The following KLF12 variants were observed in gnomAD, a reference collection of about 807,000 sequenced individuals.
KLF12 encodes Krueppel-like factor 12.
Under a neutral mutation model 37.8 loss-of-function variants are expected in KLF12, and 9 were observed. The ratio of observed to expected loss-of-function variants is 0.24; its 90% CI spans 0.14 to 0.42. The LOEUF is 0.42. Ranked by LOEUF, KLF12 falls within the 10% of genes least tolerant of loss-of-function variation. The pLI, the probability that KLF12 is intolerant of heterozygous loss-of-function variation, is 1.00. For missense variants in KLF12, 411 were observed against 516.0 expected, an observed-to-expected ratio of 0.80 and a Z score of 1.97; for synonymous variants, 208 against 202.1, an observed-to-expected ratio of 1.03 and a Z score of -0.25.
intron 3 of KLF12, among the ~76,000 whole-genome samples, chr13:73,858,141 T>A (rs1429115103): frequency 2.0e-5 from 3 of 152,316 alleles, no homozygotes; most frequent in Admixed American, 2.0e-4. Flanking sequence ...TTTAAAATTT[T>A]AAAAGTCATA....
intron 2 of KLF12, among the ~76,000 whole-genome samples, chr13:73,993,376 C>T (rs531501076): frequency 6.6e-6 from 1 of 152,278 alleles, no homozygotes; most frequent in Admixed American, 6.5e-5. Flanking sequence ...AGGGTCTGTC[C>T]TCAGGGTAAC....
intron 6 of KLF12, among the ~76,000 whole-genome samples, chr13:73,738,894 T>A (rs920087977): frequency 5.9e-5 from 9 of 152,246 alleles, no homozygotes; most frequent in Non-Finnish European, 1.0e-4. Flanking sequence ...TATGGACAAG[T>A]AACTTAGGGC....
chr13:74,285,451 C>A, the KLF12 span, among the ~76,000 whole-genome samples: 1 of 152,124 alleles, frequency 6.6e-6, no homozygotes, highest in Non-Finnish European at 1.5e-5. Context: ...GTATAATGGC[C>A]GACTAAGCTC....
intron 2 of KLF12, among the ~76,000 whole-genome samples, chr13:73,983,207 G>A (rs1891734330): frequency 6.6e-6 from 1 of 152,088 alleles, no homozygotes; most frequent in South Asian, 2.1e-4. Flanking sequence ...CTGTACTATG[G>A]CTCAACCAGA....
In KLF12 at chr13:73,770,111, G is replaced by A. The variant is rs369256854; in HGVS notation, c.807-5111C>T. Among the ~76,000 whole-genome samples, 65 of 152,212 alleles carry A rather than the reference G, an allele frequency of 4.3e-4. No individual in the cohort carries two copies. The South Asian group carries it at 0.013, about 31-fold the overall frequency. On this transcript the variant is annotated intron_variant, in intron 5 of 7. Transcript: ENST00000377669. ...AACAACTCAGTTTACTACATTTGCT[G>A]AAGAAAAGATTAACCTAAAATAACT...
intron 3 of KLF12, among the ~76,000 whole-genome samples, chr13:73,933,876 CTT>C (rs373435749): frequency 1.7e-4 from 26 of 152,168 alleles, no homozygotes; most frequent in African/African-American, 6.3e-4. Context: ...AATTTACCCT[CTT>C]AACCATTTTT....
chr13:74,260,160 G>A, the KLF12 span, among the ~76,000 whole-genome samples: 757 of 152,046 alleles, frequency 5.0e-3, 4 homozygotes, highest in African/African-American at 0.017. Flanking sequence ...ATGCACACAC[G>A]GAGGTAACTG....
intron 1 of KLF12, among the ~76,000 whole-genome samples, chr13:74,111,029 T>C (rs1490444008): frequency 6.6e-6 from 1 of 151,852 alleles, no homozygotes; most frequent in African/African-American, 2.4e-5. Context: ...GGTGGGCGCC[T>C]GTAATCCTAA....
the KLF12 span, among the ~76,000 whole-genome samples, chr13:74,140,359 C>A: frequency 6.4e-4 from 97 of 151,732 alleles, no homozygotes; most frequent in African/African-American, 2.2e-3. Flanking sequence ...TCTGTCTCTA[C>A]CAAAAATAAA....
chr13:73,847,515 A>G lies in KLF12; in HGVS notation c.124-1142T>C, dbSNP rs558717177. ...GCCTTTTTAAAATAGAATATAAATT[A>G]CAGCTCCATTCAAAACATACAATAG... is the stretch of plus-strand genomic sequence containing the variant. On this transcript the variant is annotated intron_variant, in intron 3 of 7. Transcript: ENST00000377669. 2.6e-4 allele frequency among the ~76,000 whole-genome samples: 40 copies of G among 152,306 alleles called. 1 individual carries two copies. Among genetic ancestry groups the G allele is most frequent in the African/African-American group, 9.4e-4 (39 of 41,590 alleles).
chr13:73,768,915 T>C (rs988197349), intron 5 of KLF12, among the ~76,000 whole-genome samples: 1 of 112,952 alleles, frequency 8.9e-6, no homozygotes, highest in Non-Finnish European at 2.2e-5. Context: ...TACTTATATA[T>C]ATTCCCTCCA....
chr13:74,278,253 G>A, the KLF12 span, among the ~76,000 whole-genome samples: 1 of 152,150 alleles, frequency 6.6e-6, no homozygotes, highest in Non-Finnish European at 1.5e-5. Context: ...GGTGACAGCT[G>A]CCAGTTTATC....
chr13:73,959,835 T>G (rs995160318), intron 2 of KLF12, among the ~76,000 whole-genome samples: 3 of 152,148 alleles, frequency 2.0e-5, no homozygotes, highest in African/African-American at 7.2e-5. Flanking sequence ...AAAACTTTAT[T>G]TTGCTCCTAA....
the KLF12 span, among the ~76,000 whole-genome samples, chr13:74,143,912 T>G: frequency 6.6e-6 from 1 of 152,160 alleles, no homozygotes; most frequent in South Asian, 2.1e-4. Context: ...TAAGGTAGGG[T>G]AGGTGCATGT....
At chr13:73,774,278 A>G (rs888296592) in intron 5 of KLF12, among the ~76,000 whole-genome samples, 7 of 120,914 alleles carry the variant, frequency 5.8e-5, no homozygotes, top group Non-Finnish European at 1.2e-4. Context: ...CAAACTATAT[A>G]TATATACACA....
the KLF12 span, among the ~76,000 whole-genome samples, chr13:74,192,809 G>C: frequency 6.6e-6 from 1 of 152,132 alleles, no homozygotes; most frequent in South Asian, 2.1e-4. Flanking sequence ...TTCTTAGAAT[G>C]CACAGATTTT....
At chr13:74,272,908 G>A in the KLF12 span, among the ~76,000 whole-genome samples, 2 of 152,242 alleles carry the variant, frequency 1.3e-5, no homozygotes, top group African/African-American at 4.8e-5. Flanking sequence ...AAACCAGGTT[G>A]TGTCCAAGGA....
chr13:73,859,775 G>A (rs1424153697), intron 3 of KLF12, among the ~76,000 whole-genome samples: 1 of 151,666 alleles, frequency 6.6e-6, no homozygotes, highest in Non-Finnish European at 1.5e-5. Flanking sequence ...TGGGATATGT[G>A]TTTGAAAGAA....
intron 6 of KLF12, among the ~76,000 whole-genome samples, chr13:73,746,363 C>T (rs937284761): frequency 5.3e-5 from 8 of 152,166 alleles, no homozygotes; most frequent in African/African-American, 1.9e-4. Context: ...CAACCTGTGA[C>T]AAAGAGGCAA....
Sources: allele counts gnomAD v4.1 joint callset (sites outside exome capture counted in the v4.1 genomes callset), GRCh38; gene constraint gnomAD v4.1.1; transcripts MANE v1.5; gene names NCBI Gene and HGNC (gene_info 2026-07-23, HGNC 2026-07-21).